PITPNC1: variants seen among roughly 807,000 people sequenced by gnomAD.
The protein encoded by PITPNC1 is cytoplasmic phosphatidylinositol transfer protein 1.
In PITPNC1, 18 loss-of-function variants were observed where a neutral mutation model predicts 44.7. The ratio of observed to expected loss-of-function variants is 0.40; its 90% CI spans 0.28 to 0.60. PITPNC1 has a LOEUF of 0.60. PITPNC1 is among the 20% of genes least tolerant of loss of function. The pLI is 0.39. For synonymous variants in PITPNC1, 141 were observed against 149.6 expected (o/e 0.94, Z 0.42); for missense variants, 290 against 418.4 (o/e 0.69, Z 2.68).
chr17:67,413,295 C>T (rs1475826031), intron 1 of PITPNC1, among the ~76,000 whole-genome samples: 3 of 152,134 alleles, frequency 2.0e-5, no homozygotes, highest in Non-Finnish European at 2.9e-5. Context: ...CTTAAACCTT[C>T]TTTAAATAAA....
chr17:67,378,754 A>G (rs1009429363), intron 1 of PITPNC1, among the ~76,000 whole-genome samples: 4 of 152,150 alleles, frequency 2.6e-5, no homozygotes, highest in Non-Finnish European at 4.4e-5. Flanking sequence ...AGCTCCCGGC[A>G]CGTCCGCCCT....
At chr17:67,386,825 C>CT (rs1286173497) in intron 1 of PITPNC1, among the ~76,000 whole-genome samples, 1 of 152,054 alleles carries the variant, frequency 6.6e-6, no homozygotes, top group Non-Finnish European at 1.5e-5. Context: ...GAGAAACAGA[C>CT]TGAGTTCTAG....
intron 6 of PITPNC1, among the ~76,000 whole-genome samples, chr17:67,653,246 G>A (rs1317216465): frequency 6.6e-6 from 1 of 152,160 alleles, no homozygotes; most frequent in Non-Finnish European, 1.5e-5. Context: ...ACTCCAGCCT[G>A]GGTGACACAG....
intron 5 of PITPNC1, among the ~76,000 whole-genome samples, chr17:67,578,679 G>A (rs1344822640): frequency 1.3e-5 from 2 of 152,212 alleles, no homozygotes; most frequent in African/African-American, 4.8e-5. Context: ...AGATGTATGT[G>A]TGAACAGAAA....
intron 4 of PITPNC1, among the ~76,000 whole-genome samples, chr17:67,556,518 T>A (rs1311945637): frequency 1.3e-5 from 2 of 152,214 alleles, no homozygotes; most frequent in Middle Eastern, 3.4e-3. Flanking sequence ...TCTCAGAGAC[T>A]CAAGTACAAA....
At chr17:67,456,615 T>A (rs1769701315) in intron 1 of PITPNC1, among the ~76,000 whole-genome samples, 1 of 152,140 alleles carries the variant, frequency 6.6e-6, no homozygotes, top group Non-Finnish European at 1.5e-5. Context: ...GAAATTACCC[T>A]ATCACCTCCC....
intron 4 of PITPNC1, among the ~76,000 whole-genome samples, chr17:67,567,281 C>G (rs1375988526): frequency 6.6e-6 from 1 of 151,220 alleles, no homozygotes; most frequent in Non-Finnish European, 1.5e-5. Flanking sequence ...GTCAGGAGAT[C>G]GAGACCATCC....
At chr17:67,462,190 TTTTTC>T (rs1213387849) in intron 1 of PITPNC1, among the ~76,000 whole-genome samples, 109 of 151,446 alleles carry the variant, frequency 7.2e-4, no homozygotes, top group African/African-American at 2.2e-3. Flanking sequence ...CACCTTTTTT[TTTTTC>T]TTTTCTTTTC....
At chr17:67,463,632 C>T (rs567048266) in intron 1 of PITPNC1, among the ~76,000 whole-genome samples, 39 of 152,222 alleles carry the variant, frequency 2.6e-4, no homozygotes, top group Non-Finnish European at 3.7e-4. Flanking sequence ...AGGCGCAGTG[C>T]CTCACACCTG....
Position 67,578,079 on chromosome 17 carries a change from G to T in PITPNC1, c.295-107G>T. 3 of 768,028 alleles carry T rather than the reference G, an allele frequency of 3.9e-6. 1 individual carries two copies. The South Asian group carries it at 4.3e-5, about 11-fold the overall frequency. The allele number at this position is 768,028 out of a possible 1,614,324, so 47.6% of individuals were successfully genotyped here. The stretch of plus-strand genomic sequence containing the variant: ...CTTAGTATCTTAACATTTCTGTTCC[G>T]GGACGGTGCTTGCAACCAAATGGCC... On this transcript the variant is annotated intron_variant, in intron 4 of 8. Transcript: ENST00000581322.
At chr17:67,672,483 C>G (rs1387414400) in intron 7 of PITPNC1, among the ~76,000 whole-genome samples, 1 of 151,686 alleles carries the variant, frequency 6.6e-6, no homozygotes, top group Non-Finnish European at 1.5e-5. Flanking sequence ...ACTGTAGTCC[C>G]AGCTACTCCA....
intron 5 of PITPNC1, among the ~76,000 whole-genome samples, chr17:67,631,659 T>A (rs868099027): frequency 2.0e-4 from 12 of 61,136 alleles, no homozygotes; most frequent in Non-Finnish European, 3.5e-4. Context: ...AAAAAAAAAA[T>A]ATATATATAT....
intron 6 of PITPNC1, among the ~76,000 whole-genome samples, chr17:67,652,404 G>T (rs1186540522): frequency 1.3e-5 from 2 of 152,148 alleles, no homozygotes; most frequent in Non-Finnish European, 2.9e-5. Context: ...AGGCCTGCAG[G>T]TGTGGCTGAT....
intron 5 of PITPNC1, among the ~76,000 whole-genome samples, chr17:67,599,034 A>ATTTT (rs1160152426): frequency 3.1e-4 from 11 of 35,668 alleles, no homozygotes; most frequent in East Asian, 9.2e-4. Flanking sequence ...ATATATATAT[A>ATTTT]TTTTTTTTTT....
chr17:67,599,034 A>ATATATATATATATTTTTT (rs1461493250), intron 5 of PITPNC1, among the ~76,000 whole-genome samples: 1 of 35,688 alleles, frequency 2.8e-5, no homozygotes, highest in Non-Finnish European at 4.9e-5. Flanking sequence ...ATATATATAT[A>ATATATATATATATTTTTT]TTTTTTTTTT....
intron 8 of PITPNC1, among the ~76,000 whole-genome samples, chr17:67,689,916 C>A (rs892678054): frequency 6.6e-5 from 10 of 152,126 alleles, no homozygotes; most frequent in Admixed American, 1.3e-4. Context: ...TTTTATATAA[C>A]CTTAATCTCA....
intron 1 of PITPNC1, among the ~76,000 whole-genome samples, chr17:67,503,136 A>G (rs910717049): frequency 6.6e-6 from 1 of 152,284 alleles, no homozygotes; most frequent in East Asian, 1.9e-4. Flanking sequence ...CAAAGAAAAC[A>G]TATTTGTTGT....
At chr17:67,499,800 C>T (rs1265716149) in intron 1 of PITPNC1, among the ~76,000 whole-genome samples, 1 of 152,186 alleles carries the variant, frequency 6.6e-6, no homozygotes, top group Admixed American at 6.5e-5. Context: ...GTAGAAGCAA[C>T]ATAGGTGCGT....
At chr17:67,394,412 T>C (rs1287950353) in intron 1 of PITPNC1, among the ~76,000 whole-genome samples, 1 of 152,204 alleles carries the variant, frequency 6.6e-6, no homozygotes, top group African/African-American at 2.4e-5. Context: ...AGTAGGAAAA[T>C]GCTTCTCAGA....
Sources: gnomAD v4.1 joint callset for allele counts (sites outside exome capture counted in the v4.1 genomes callset) on GRCh38, gnomAD v4.1.1 for gene constraint, MANE v1.5 for transcripts, NCBI Gene and HGNC (gene_info 2026-07-23, HGNC 2026-07-21) for gene names.